RHCE: variants seen among roughly 807,000 people sequenced by gnomAD.
The protein encoded by RHCE is blood group Rh(CE) polypeptide.
Under a neutral mutation model 43.8 loss-of-function variants are expected in RHCE, and 22 were observed. The observed-to-expected ratio is 0.50, with a 90% CI of 0.36 to 0.72. The LOEUF is 0.72. Ranked by LOEUF, RHCE falls within the 30% of genes least tolerant of loss-of-function variation. The pLI is 0.00. For missense variants in RHCE, 385 were observed against 525.4 expected (o/e 0.73, Z 2.61); for synonymous variants, 156 against 210.7 (o/e 0.74, Z 2.25).
At chr1:25,401,321 G>T (rs1646732665) in intron 3 of RHCE, among the ~76,000 whole-genome samples, 1 of 152,132 alleles carries the variant, frequency 6.6e-6, no homozygotes, top group Admixed American at 6.5e-5. Flanking sequence ...GTCACACAGG[G>T]ATTTATGGCA....
At position 25,392,209 on chromosome 1, in the gene RHCE, C is replaced by A; in HGVS notation, c.487-68G>T. ...TGCCCAGGGGAAAGCCCTGATGGTC[C>A]TTGGAGAAAGTTCAGAGCTTCACTT... On this transcript the variant is annotated intron_variant, in intron 3 of 9. Coordinates refer to ENST00000294413, the MANE Select transcript of RHCE (RefSeq NM_020485.8). The A allele has an allele frequency of 3.7e-6, 6 of 1,612,618 alleles. No individual in the cohort carries two copies. The South Asian group carries it at 6.6e-5, about 18-fold the overall frequency.
chr1:25,393,765 A>C (rs1278719227), intron 3 of RHCE, among the ~76,000 whole-genome samples: 2 of 151,798 alleles, frequency 1.3e-5, no homozygotes, highest in Non-Finnish European at 2.9e-5. Context: ...CTCGGGCGTC[A>C]CCTCCTATTG....
At position 25,420,633 on chromosome 1, in the gene RHCE, T is replaced by G; in HGVS notation, c.148+6A>C. The G allele has an allele frequency of 2.5e-6, 4 of 1,613,850 alleles. No homozygotes were observed. The highest frequency in any genetic ancestry group is 3.4e-6 in the Non-Finnish European group (4 of 1,179,828). On this transcript the variant is annotated splice_donor_region_variant and intron_variant, in intron 1 of 9. Transcript: ENST00000294413. ...TCCTGTGACCACTGTTCCAATGAAC[T>G]CTCACCTTGATAGGATGCCACGAGC...
intron 7 of RHCE, among the ~76,000 whole-genome samples, chr1:25,379,501 T>A (rs1314188067): frequency 2.5e-3 from 94 of 37,084 alleles, no homozygotes; most frequent in African/African-American, 0.018. Flanking sequence ...ATATATTTTT[T>A]TTTTTTTTTT....
intron 1 of RHCE, among the ~76,000 whole-genome samples, chr1:25,416,822 G>GGGC (rs1647527717): frequency 6.7e-6 from 1 of 148,774 alleles, no homozygotes; most frequent in African/African-American, 2.5e-5. Flanking sequence ...GAGATGGCGG[G>GGGC]GGGGGGTCTC....
chr1:25,371,408 T>A (rs767635617), intron 8 of RHCE, among the ~76,000 whole-genome samples: 3 of 151,524 alleles, frequency 2.0e-5, no homozygotes, highest in Non-Finnish European at 4.4e-5. Flanking sequence ...TCTCATTCTG[T>A]TATCCAGGCT....
At chr1:25,394,265 A>T (rs1295873146) in intron 3 of RHCE, among the ~76,000 whole-genome samples, 1 of 151,988 alleles carries the variant, frequency 6.6e-6, no homozygotes, top group Non-Finnish European at 1.5e-5. Context: ...CTGGGATTAC[A>T]GGCATGAGCC....
intron 7 of RHCE, among the ~76,000 whole-genome samples, chr1:25,380,182 A>G (rs1368692812): frequency 7.1e-6 from 1 of 141,652 alleles, no homozygotes; most frequent in Non-Finnish European, 1.5e-5. Context: ...CCCATTCTAA[A>G]AGGAAAAAGA....
intron 3 of RHCE, among the ~76,000 whole-genome samples, chr1:25,394,182 T>C (rs985455864): frequency 2.3e-4 from 35 of 151,786 alleles, no homozygotes; most frequent in Non-Finnish European, 4.6e-4. Context: ...AGAGACGGGG[T>C]TTCACCATGT....
At chr1:25,368,708 A>G (rs1645506932) in intron 9 of RHCE, among the ~76,000 whole-genome samples, 1 of 149,586 alleles carries the variant, frequency 6.7e-6, no homozygotes, top group East Asian at 2.0e-4. Flanking sequence ...TTAGGCTCAA[A>G]GTGTGGTGTT....
chr1:25,386,695 G>C (rs1217015161), intron 6 of RHCE, among the ~76,000 whole-genome samples: 1 of 152,116 alleles, frequency 6.6e-6, no homozygotes, highest in South Asian at 2.1e-4. Context: ...GGTGGAGGGC[G>C]CCTGTAGTCC....
At chr1:25,427,368 A>T (rs965139368) in intron 2 of RHCE, among the ~76,000 whole-genome samples, 1 of 152,234 alleles carries the variant, frequency 6.6e-6, no homozygotes, top group African/African-American at 2.4e-5. Flanking sequence ...CTTTTGAATG[A>T]GGGCAAATTA....
At chr1:25,362,583 C>T in intron 9 of RHCE, 30 bp from the exon 10 acceptor site, 5 of 1,449,642 alleles carry the variant, frequency 3.4e-6, no homozygotes, top group Non-Finnish European at 4.8e-6. Context: ...ATTTTTATTG[C>T]AGATGAACCC....
At chr1:25,418,843 A>ATGG (rs757928881) in intron 1 of RHCE, among the ~76,000 whole-genome samples, 27 of 152,312 alleles carry the variant, frequency 1.8e-4, no homozygotes, top group Middle Eastern at 3.4e-3. Context: ...GCTTCCATAT[A>ATGG]AAGTGAGTTT....
chr1:25,372,451 G>T (rs1265362151), intron 8 of RHCE, among the ~76,000 whole-genome samples: 2 of 151,364 alleles, frequency 1.3e-5, no homozygotes, highest in East Asian at 1.9e-4. Flanking sequence ...CCCAGGAGGC[G>T]GAGGTTGCGT....
At chr1:25,367,866 C>A (rs1269264557) in intron 9 of RHCE, among the ~76,000 whole-genome samples, 3 of 149,594 alleles carry the variant, frequency 2.0e-5, no homozygotes, top group East Asian at 2.0e-4. Flanking sequence ...CCTAGCTACT[C>A]AGGAGGCTGA....
rs754990139 is a variant in RHCE at position 25,420,819 on chromosome 1, G to A, written c.-33C>T. ...CCGTCTCTGTGCAGGGGTTCCACCA[G>A]CACCAGGCATCACCCCTCTCTCCAA... On this transcript the variant is annotated 5_prime_UTR_variant, in exon 1 of 10. Coordinates refer to ENST00000294413, the MANE Select transcript of RHCE (RefSeq NM_020485.8). 2.5e-6 allele frequency: 4 copies of A among 1,602,360 alleles called. No individual in the cohort carries two copies. Among genetic ancestry groups the A allele is most frequent in the Non-Finnish European group, 1.7e-6 (2 of 1,174,374 alleles).
chr1:25,387,353 G>C (rs1041411506), intron 6 of RHCE, among the ~76,000 whole-genome samples: 47 of 152,326 alleles, frequency 3.1e-4, no homozygotes, highest in African/African-American at 1.0e-3. Flanking sequence ...GATGTGCCCT[G>C]TAGCTGTTCT....
intron 7 of RHCE, among the ~76,000 whole-genome samples, chr1:25,382,980 A>G (rs1049503440): frequency 2.0e-5 from 3 of 152,202 alleles, no homozygotes; most frequent in African/African-American, 7.2e-5. Context: ...GTAAAAAGAG[A>G]TACAATGAAA....
Sources: allele counts gnomAD v4.1 joint callset (sites outside exome capture counted in the v4.1 genomes callset), GRCh38; gene constraint gnomAD v4.1.1; transcripts MANE v1.5; gene names NCBI Gene and HGNC (gene_info 2026-07-23, HGNC 2026-07-21).